The following TOM1 variants were observed in gnomAD, a reference collection of about 807,000 sequenced individuals.
TOM1 encodes the protein target of myb1 membrane trafficking protein, also known as target of Myb protein 1.
TOM1 carries 38 observed loss-of-function variants against 61.3 expected under a neutral mutation model. The ratio of observed to expected loss-of-function variants is 0.62; its 90% CI spans 0.48 to 0.81. The LOEUF (loss-of-function observed/expected upper bound fraction) is 0.81, where lower values mean the gene tolerates loss of function less well. Ranked by LOEUF, TOM1 falls within the 40% of genes least tolerant of loss-of-function variation. The probability of loss-of-function intolerance (pLI) is 0.00; values close to 1 mark genes in which losing one functional copy is unlikely to be tolerated. For missense variants in TOM1, 591 were observed against 659.6 expected (o/e 0.90, Z 1.14); for synonymous variants, 270 against 268.8 (o/e 1.00, Z -0.04).
chr22:35,324,756 G>A (rs1267431086), intron 6 of TOM1, among the ~76,000 whole-genome samples: 1 of 152,074 alleles, frequency 6.6e-6, no homozygotes, highest in Non-Finnish European at 1.5e-5. Context: ...CATCATGTTG[G>A]CCAGGCTAGT....
chr22:35,326,622 G>A (rs1928330550), intron 6 of TOM1, among the ~76,000 whole-genome samples: 1 of 152,212 alleles, frequency 6.6e-6, no homozygotes, highest in Non-Finnish European at 1.5e-5. Context: ...AGGAGAAAGA[G>A]GGCAGAAGCC....
chr22:35,310,626 C>G (rs548950261), intron 1 of TOM1, among the ~76,000 whole-genome samples: 1 of 152,316 alleles, frequency 6.6e-6, no homozygotes, highest in African/African-American at 2.4e-5. Flanking sequence ...AGTAAGGGAT[C>G]AATGAGTGCC....
At chr22:35,343,176 ACACAC>A (rs1930070539) in intron 12 of TOM1, among the ~76,000 whole-genome samples, 1 of 115,758 alleles carries the variant, frequency 8.6e-6, no homozygotes, top group African/African-American at 3.4e-5. Context: ...CCACACCTAC[ACACAC>A]CACACCTCCA....
intron 6 of TOM1, among the ~76,000 whole-genome samples, chr22:35,324,405 C>A (rs1044182184): frequency 1.6e-5 from 2 of 126,134 alleles, no homozygotes; most frequent in African/African-American, 7.0e-5. Context: ...CATAGAGAGA[C>A]CTGTTTCAAA....
chr22:35,333,143 C>CT lies in TOM1; in HGVS notation c.933+131dup. 3.6e-6 allele frequency: 4 copies of CT among 1,106,758 alleles called. No individual in the cohort carries two copies. In the South Asian group the frequency reaches 5.0e-5, roughly 14 times the overall value. The allele number at this position is 1,106,758 out of a possible 1,614,324, so 68.6% of individuals were successfully genotyped here. A position where few individuals can be genotyped will look rare whatever the true frequency, so the allele number is the denominator to read the frequency against. On this transcript the variant is annotated intron_variant, in intron 9 of 14. Transcript: ENST00000449058. ...TTATCCAGGCCCATAGAGAAATCCCCTTCTAACTTTTTATGTCCCTGTCCC... is the reference window on the plus strand; with the variant it reads ...TTATCCAGGCCCATAGAGAAATCCCCTTTCTAACTTTTTATGTCCCTGTCCC...
intron 11 of TOM1, among the ~76,000 whole-genome samples, chr22:35,335,262 C>T (rs1033692066): frequency 3.9e-5 from 6 of 152,184 alleles, no homozygotes; most frequent in Non-Finnish European, 7.4e-5. Context: ...TTCCCACTGA[C>T]CCCACTCAGC....
chr22:35,306,928 G>A (rs766363490), intron 1 of TOM1, among the ~76,000 whole-genome samples: 3 of 152,250 alleles, frequency 2.0e-5, no homozygotes, highest in South Asian at 4.1e-4. Flanking sequence ...GGAAATTAAG[G>A]CCTTTGCCTT....
intron 10 of TOM1, 51 bp from the exon 11 acceptor site, chr22:35,334,277 C>T (rs780464794): frequency 3.2e-6 from 5 of 1,578,496 alleles, no homozygotes; most frequent in Non-Finnish European, 4.3e-6. Context: ...AGCAGCAGCT[C>T]ACACACAAGC....
chr22:35,305,184 G>A (rs1926205634), intron 1 of TOM1, among the ~76,000 whole-genome samples: 2 of 152,250 alleles, frequency 1.3e-5, no homozygotes, highest in African/African-American at 4.8e-5. Flanking sequence ...AGGCTGGGAG[G>A]CGGGACACCT....
chr22:35,334,214 C>A, intron 10 of TOM1, 114 bp from the exon 11 acceptor site: 1 of 1,430,538 alleles, frequency 7.0e-7, no homozygotes, highest in South Asian at 1.4e-5. Flanking sequence ...ATTCCCCCAC[C>A]CACACGTGCC....
At chr22:35,330,289 AG>A in intron 7 of TOM1, 57 bp from the exon 8 acceptor site, 1 of 1,526,158 alleles carries the variant, frequency 6.6e-7, no homozygotes, top group Admixed American at 2.1e-5. Context: ...AAAAAAAAAA[AG>A]AGACGGCCTC....
At chr22:35,326,865 T>C (rs993206923) in intron 6 of TOM1, among the ~76,000 whole-genome samples, 2 of 151,750 alleles carry the variant, frequency 1.3e-5, no homozygotes, top group Admixed American at 1.3e-4. Context: ...CCCAGTCCTC[T>C]AGGAGGAGAG....
intron 7 of TOM1, among the ~76,000 whole-genome samples, chr22:35,328,678 C>T (rs1317301548): frequency 6.6e-6 from 1 of 152,198 alleles, no homozygotes; most frequent in Admixed American, 6.5e-5. Context: ...TGTCCCCGTG[C>T]TAAGGGCGAT....
chr22:35,323,751 T>C lies in TOM1; in HGVS notation c.502-17T>C, dbSNP rs745477880. ...TGTTCCCAGGAGCCCTCACTGATCC[T>C]GTTTTCCTCCCACTAGACCGTGTTC... is the stretch of plus-strand genomic sequence containing the variant. On this transcript the variant is annotated splice_polypyrimidine_tract_variant and intron_variant, in intron 5 of 14. Transcript: ENST00000449058. This position sits in a 1 kb window ranked among gnomAD's most constrained non-coding sequence, Gnocchi z 4.2. 3.1e-6 allele frequency: 5 copies of C among 1,600,568 alleles called. No individual in the cohort carries two copies. Among genetic ancestry groups the C allele is most frequent in the Non-Finnish European group, 3.4e-6 (4 of 1,171,078 alleles).
intron 1 of TOM1, among the ~76,000 whole-genome samples, chr22:35,301,037 C>T (rs1442356158): frequency 2.1e-5 from 3 of 142,882 alleles, no homozygotes; most frequent in African/African-American, 7.7e-5. Flanking sequence ...CATGGCGAGA[C>T]CCCGTCTCTA....
upstream of TOM1, chr22:35,299,867 CGGT>C: frequency 6.5e-7 from 1 of 1,542,194 alleles, no homozygotes; most frequent in Non-Finnish European, 8.8e-7. Flanking sequence ...CGTGACGGGT[CGGT>C]GGCGCTGGCG....
rs115531707 is a variant in TOM1 at position 35,300,515 on chromosome 22, C to T, written c.52+535C>T. Among the ~76,000 whole-genome samples the T allele has an allele frequency of 7.0e-3, 1,064 of 152,368 alleles. 13 individuals are homozygous for T. Among genetic ancestry groups the T allele is most frequent in the African/African-American group, 0.024 (1,010 of 41,596 alleles). ...AGCCCGCGGCCAGGCCTCACAGACC[C>T]GGGTCTCAGGACGTGTCCGCCTGGG... is the stretch of plus-strand genomic sequence containing the variant. On this transcript the variant is annotated intron_variant, in intron 1 of 14. Coordinates refer to ENST00000449058, the MANE Select transcript of TOM1 (RefSeq NM_005488.3).
chr22:35,306,667 C>T lies in TOM1; in HGVS notation c.52+6687C>T, dbSNP rs565185036. On this transcript the variant is annotated intron_variant, in intron 1 of 14. Transcript: ENST00000449058. ...CAGATAGGGCTGTCGTGTTGTTGTGCTATAAAGCACTTCCTGCCAGACAGG... is the reference window on the plus strand; with the variant it reads ...CAGATAGGGCTGTCGTGTTGTTGTGTTATAAAGCACTTCCTGCCAGACAGG... Among the ~76,000 whole-genome samples, 117 of 152,296 alleles carry T rather than the reference C, an allele frequency of 7.7e-4. 1 individual carries two copies. Among genetic ancestry groups the T allele is most frequent in the Admixed American group, 2.0e-3 (31 of 15,302 alleles).
intron 8 of TOM1, among the ~76,000 whole-genome samples, chr22:35,332,164 C>T (rs1169893521): frequency 6.6e-6 from 1 of 152,124 alleles, no homozygotes; most frequent in Non-Finnish European, 1.5e-5. Context: ...CCCTGCAGGT[C>T]ACGTCTGCCT....
Sources: gnomAD v4.1 joint callset for allele counts (sites outside exome capture counted in the v4.1 genomes callset) on GRCh38, gnomAD v4.1.1 for gene constraint, Gnocchi (gnomAD v3.1) non-coding constraint, MANE v1.5 for transcripts, NCBI Gene and HGNC (gene_info 2026-07-23, HGNC 2026-07-21) for gene names.